NDST3: variants seen among roughly 807,000 people sequenced by gnomAD.
NDST3 encodes N-deacetylase and N-sulfotransferase 3.
Under a neutral mutation model 96.1 loss-of-function variants are expected in NDST3, and 58 were observed. The ratio of observed to expected loss-of-function variants is 0.60; its 90% CI spans 0.49 to 0.75. The LOEUF (loss-of-function observed/expected upper bound fraction) is 0.75. Among genes scored for constraint, NDST3 ranks in the 30% least tolerant of loss-of-function variants. The pLI is 0.00. For missense variants in NDST3, 788 were observed against 1,034.2 expected (o/e 0.76, Z 3.27); for synonymous variants, 333 against 359.7 (o/e 0.93, Z 0.84).
chr4:118,193,898 C>T (rs1737487352), intron 6 of NDST3: 2 of 995,414 alleles, frequency 2.0e-6, no homozygotes, highest in Admixed American at 3.6e-5. Flanking sequence ...GGACACAATC[C>T]TCTTATATTA....
chr4:118,073,064 C>T (rs1727216253), intron 2 of NDST3, among the ~76,000 whole-genome samples: 1 of 152,084 alleles, frequency 6.6e-6, no homozygotes, highest in Non-Finnish European at 1.5e-5. Flanking sequence ...CCTTACATCC[C>T]AGGGATAAAA....
chr4:118,112,707 C>T (rs183045775), intron 3 of NDST3, among the ~76,000 whole-genome samples: 1 of 152,220 alleles, frequency 6.6e-6, no homozygotes, highest in East Asian at 1.9e-4. Context: ...TTACAAAGGT[C>T]ACCTTATTTA....
At chr4:118,081,594 A>G (rs901509461) in intron 2 of NDST3, among the ~76,000 whole-genome samples, 14 of 152,180 alleles carry the variant, frequency 9.2e-5, no homozygotes, top group Non-Finnish European at 1.5e-4. Context: ...AAACAGACTT[A>G]GCAGCATCCA....
chr4:118,137,312 G>T (rs532764680), intron 4 of NDST3, among the ~76,000 whole-genome samples: 4 of 151,224 alleles, frequency 2.6e-5, no homozygotes, highest in Non-Finnish European at 5.9e-5. Context: ...TAAAAGACAC[G>T]TTTCATTTTG....
At chr4:118,227,778 AT>A (rs1424048471) in intron 8 of NDST3, among the ~76,000 whole-genome samples, 3 of 151,838 alleles carry the variant, frequency 2.0e-5, no homozygotes, top group Non-Finnish European at 2.9e-5. Context: ...TGCCCGGCTA[AT>A]TTTTTTGTAT....
intron 6 of NDST3, among the ~76,000 whole-genome samples, chr4:118,166,967 C>T (rs1430764901): frequency 6.6e-6 from 1 of 151,552 alleles, no homozygotes; most frequent in Non-Finnish European, 1.5e-5. Flanking sequence ...AACCTGAAAA[C>T]TTGCGTGAGG....
chr4:118,242,105 G>T lies in NDST3; in HGVS notation c.2355G>T (p.Lys785Asn), dbSNP rs1336501130. Residue 785 changes from lysine to asparagine, a missense_variant, in exon 12 of 14, where the codon AAG becomes AAT. By Grantham distance (94) the Lys-to-Asn change is moderately conservative. Transcript: ENST00000296499. ...DPATVMDEVQ[K>N]FLGVLPHYNY... ...CTACAGTGATGGATGAAGTACAGAA[G>T]TTTCTAGGAGTCTTGCCTCATTATA... 1 of 1,612,798 alleles carries T rather than the reference G, an allele frequency of 6.2e-7. No homozygotes were observed. Among genetic ancestry groups the T allele is most frequent in the Non-Finnish European group, 8.5e-7 (1 of 1,179,168 alleles).
chr4:118,194,083 T>C (rs1737504675), intron 6 of NDST3: 5 of 1,444,378 alleles, frequency 3.5e-6, no homozygotes, highest in Non-Finnish European at 3.8e-6. Flanking sequence ...TTTGGAACTT[T>C]TCCTTCCTAA....
Position 118,077,523 on chromosome 4 carries a change from C to A in NDST3, c.981+22632C>A, listed in dbSNP as rs560305125. Among the ~76,000 whole-genome samples, 309 of 152,208 alleles carry A rather than the reference C, an allele frequency of 2.0e-3. 2 individuals carry two copies. The highest frequency in any genetic ancestry group is 3.5e-3 in the Admixed American group (53 of 15,286). ...ATCTGCTCCTGGGTCTTGGAAGAGCCCCCTCCAATCACTGGCTTTATGCCT... is the reference window on the plus strand; with the variant it reads ...ATCTGCTCCTGGGTCTTGGAAGAGCACCCTCCAATCACTGGCTTTATGCCT... On this transcript the variant is annotated intron_variant, in intron 2 of 13. Transcript: ENST00000296499.
Position 118,233,166 on chromosome 4 carries a change from G to C in NDST3, c.1943+31G>C, listed in dbSNP as rs1046753033. 2.5e-6 allele frequency: 4 copies of C among 1,585,662 alleles called. No homozygotes were observed. In the African/African-American group the frequency reaches 4.0e-5, roughly 16 times the overall value. Reference sequence around the variant, plus strand: ...ATGGGTTATTAGTATAAATCTAAAAGTATATGTACTGTGCACAGTATAAAC... The same window carrying C: ...ATGGGTTATTAGTATAAATCTAAAACTATATGTACTGTGCACAGTATAAAC... On this transcript the variant is annotated intron_variant, in intron 9 of 13. Coordinates refer to ENST00000296499, the MANE Select transcript of NDST3 (RefSeq NM_004784.3).
At chr4:118,094,389 C>T (rs1468332217) in intron 2 of NDST3, among the ~76,000 whole-genome samples, 1 of 151,754 alleles carries the variant, frequency 6.6e-6, no homozygotes, top group Non-Finnish European at 1.5e-5. Context: ...TTCATCACAC[C>T]AAACTGATCT....
At chr4:118,175,770 C>T (rs1389902398) in intron 6 of NDST3, among the ~76,000 whole-genome samples, 2 of 152,206 alleles carry the variant, frequency 1.3e-5, no homozygotes, top group East Asian at 3.9e-4. Flanking sequence ...TCAGCCTGGA[C>T]CTGTGCTGGA....
chr4:118,105,759 A>G (rs959893162), intron 3 of NDST3, among the ~76,000 whole-genome samples: 5 of 152,210 alleles, frequency 3.3e-5, no homozygotes, highest in African/African-American at 1.2e-4. Flanking sequence ...AGAAATGTTC[A>G]TAACTTCCTG....
intron 1 of NDST3, among the ~76,000 whole-genome samples, chr4:118,039,408 CTT>C (rs1332960966): frequency 1.3e-5 from 2 of 152,036 alleles, no homozygotes; most frequent in African/African-American, 2.4e-5. Context: ...TAGTAGAGGC[CTT>C]TTTTCACTCA....
At chr4:118,084,488 C>T (rs779234099) in intron 2 of NDST3, among the ~76,000 whole-genome samples, 1 of 152,080 alleles carries the variant, frequency 6.6e-6, no homozygotes. Flanking sequence ...TTTGAAAGTA[C>T]CTGATTCCTA....
At position 118,201,085 on chromosome 4, in the gene NDST3, G is replaced by A. The variant is rs1480268933; in HGVS notation, c.1540-23406G>A. 4.6e-5 allele frequency among the ~76,000 whole-genome samples: 7 copies of A among 152,306 alleles called. No homozygotes were observed. The East Asian group carries it at 1.3e-3, about 29-fold the overall frequency. On this transcript the variant is annotated intron_variant, in intron 6 of 13. Transcript: ENST00000296499. ...AATTTGCTGAGGATTATGGCCTCCA[G>A]CTCCATCCATGTTGCTGCAAAGGCC...
At chr4:118,033,683 G>T (rs935143174), upstream of NDST3, 1 of 151,846 alleles carries the variant, frequency 6.6e-6, no homozygotes, top group Non-Finnish European at 1.5e-5. Context: ...AGGAGTCCCC[G>T]GCGCACCCGC....
At chr4:118,237,013 A>G in intron 9 of NDST3, 33 bp from the exon 10 acceptor site, 1 of 1,517,470 alleles carries the variant, frequency 6.6e-7, no homozygotes, top group Non-Finnish European at 8.9e-7. Context: ...TATAAACCAG[A>G]ATCTTATTTT....
chr4:118,072,762 A>G (rs1426166728), intron 2 of NDST3, among the ~76,000 whole-genome samples: 3 of 151,992 alleles, frequency 2.0e-5, no homozygotes, highest in Non-Finnish European at 4.4e-5. Flanking sequence ...TCCAGAGAAT[A>G]TGTTGAATAG....
Sources: allele counts gnomAD v4.1 joint callset (sites outside exome capture counted in the v4.1 genomes callset), GRCh38; gene constraint gnomAD v4.1.1; transcripts MANE v1.5; gene names NCBI Gene and HGNC (gene_info 2026-07-23, HGNC 2026-07-21).